The following ZNF280D variants were observed in gnomAD, a reference collection of about 807,000 sequenced individuals.
The protein encoded by ZNF280D is zinc finger protein 280D.
Under a neutral mutation model 94.7 loss-of-function variants are expected in ZNF280D, and 39 were observed. The observed-to-expected ratio is 0.41, with a 90% confidence interval of 0.32 to 0.54. ZNF280D has a LOEUF of 0.54. ZNF280D is among the 20% of genes least tolerant of loss of function. The pLI is 0.22. For missense variants in ZNF280D, 1,090 were observed against 1,149.3 expected (o/e 0.95, Z 0.75); for synonymous variants, 398 against 377.6 (o/e 1.05, Z -0.63).
At chr15:56,673,954 TCTCC>T (rs2140942079) in intron 13 of ZNF280D, among the ~76,000 whole-genome samples, 1 of 152,056 alleles carries the variant, frequency 6.6e-6, no homozygotes, top group Non-Finnish European at 1.5e-5. Context: ...TTCCACATTT[TCTCC>T]CACAGTACTT....
At position 56,630,780 on chromosome 15, in the gene ZNF280D, C is replaced by A. The variant is rs1307866224; in HGVS notation, c.*718G>T. On this transcript the variant is annotated 3_prime_UTR_variant, in exon 22 of 22. Transcript: ENST00000267807. Reference sequence around the variant, plus strand: ...ACAGCTTACACACTGACAAAAAGCACAAATATAAATTTATATCTTAATAAT... The same window carrying A: ...ACAGCTTACACACTGACAAAAAGCAAAAATATAAATTTATATCTTAATAAT... 1 of 152,130 alleles carries A rather than the reference C, an allele frequency of 6.6e-6. No individual in the cohort carries two copies. The highest frequency in any genetic ancestry group is 6.6e-5 in the Admixed American group (1 of 15,260). The allele number at this position is 152,130 out of a possible 1,614,324, so 9.4% of individuals were successfully genotyped here.
intron 1 of ZNF280D, among the ~76,000 whole-genome samples, chr15:56,715,598 C>T (rs191173277): frequency 6.6e-6 from 1 of 152,102 alleles, no homozygotes; most frequent in East Asian, 1.9e-4. Flanking sequence ...TGAGGCTTTA[C>T]CCAGTCTGTC....
At chr15:56,729,845 T>G (rs189036165) in intron 1 of ZNF280D, 1 of 152,086 alleles carries the variant, frequency 6.6e-6, no homozygotes, top group South Asian at 2.1e-4. Context: ...AAGAAAAAAA[T>G]GTGTGTTACA....
intron 1 of ZNF280D, among the ~76,000 whole-genome samples, chr15:56,708,852 T>C (rs1282234994): frequency 4.6e-5 from 7 of 152,032 alleles, no homozygotes; most frequent in Non-Finnish European, 1.0e-4. Flanking sequence ...TATACAAAAA[T>C]TAATTCAAGA....
chr15:56,722,118 G>A (rs1190402713), intron 1 of ZNF280D, among the ~76,000 whole-genome samples: 4 of 152,146 alleles, frequency 2.6e-5, no homozygotes, highest in Admixed American at 1.3e-4. Flanking sequence ...GCTGGCTGGT[G>A]GAGCAGTCAA....
intron 1 of ZNF280D, among the ~76,000 whole-genome samples, chr15:56,714,907 A>G (rs1252548358): frequency 2.0e-5 from 3 of 152,130 alleles, no homozygotes; most frequent in Admixed American, 2.0e-4. Context: ...CACTTTTTTC[A>G]TAGGATATGA....
At chr15:56,670,055 T>C (rs1220979148) in intron 13 of ZNF280D, among the ~76,000 whole-genome samples, 1 of 7,212 alleles carries the variant, frequency 1.4e-4, no homozygotes, top group African/African-American at 2.3e-4. Context: ...TTTGTAGTTA[T>C]ATGTTGTTTT....
intron 3 of ZNF280D, among the ~76,000 whole-genome samples, chr15:56,705,610 A>C (rs575615842): frequency 6.6e-6 from 1 of 152,200 alleles, no homozygotes; most frequent in Non-Finnish European, 1.5e-5. Context: ...TCAAGTGGAT[A>C]CTCAACAAAA....
chr15:56,654,151 G>C, intron 19 of ZNF280D, 47 bp downstream of exon 19: 1 of 1,586,372 alleles, frequency 6.3e-7, no homozygotes. Context: ...ATGCAATAGT[G>C]CTAAAATCCA....
At chr15:56,732,419 T>C (rs1312808031) in intron 1 of ZNF280D, among the ~76,000 whole-genome samples, 1 of 152,204 alleles carries the variant, frequency 6.6e-6, no homozygotes, top group African/African-American at 2.4e-5. Flanking sequence ...CCTGGTTAAG[T>C]TTCTGCGTGG....
At chr15:56,656,150 C>G (rs371681244) in intron 17 of ZNF280D, among the ~76,000 whole-genome samples, 22 of 152,292 alleles carry the variant, frequency 1.4e-4, no homozygotes, top group African/African-American at 4.6e-4. Flanking sequence ...ATAAACTGTA[C>G]TGTACATTCC....
At position 56,700,979 on chromosome 15, in the gene ZNF280D, G is replaced by C. The variant is rs772912618; in HGVS notation, c.335C>G (p.Ser112Cys). Reference sequence around the variant, plus strand: ...AATAACAGAACTATCTGAAGATCTAGACTCAGGATGAAAATTTATTGGTGA... The same window carrying C: ...AATAACAGAACTATCTGAAGATCTACACTCAGGATGAAAATTTATTGGTGA... Reference protein sequence around the residue: ...PASPINFHPESRSSDSSVIVQ... With the variant: ...PASPINFHPECRSSDSSVIVQ... Residue 112 changes from serine to cysteine, a missense_variant, in exon 6 of 22, where the codon TCT becomes TGT. Coordinates refer to ENST00000267807, the MANE Select transcript of ZNF280D (RefSeq NM_017661.4). 6.2e-7 allele frequency: 1 copy of C among 1,613,922 alleles called. No homozygotes were observed.
chr15:56,700,651 T>G, intron 6 of ZNF280D: 1 of 1,371,356 alleles, frequency 7.3e-7, no homozygotes, highest in South Asian at 1.8e-5. Flanking sequence ...GCAATATTTA[T>G]GGCTGACTAT....
At position 56,702,019 on chromosome 15, in the gene ZNF280D, C is replaced by T. The variant is rs1298050318; in HGVS notation, c.176-781G>A. Among the ~76,000 whole-genome samples the T allele has an allele frequency of 3.5e-5, 3 of 85,546 alleles. No homozygotes were observed. The East Asian group carries it at 9.4e-4, about 27-fold the overall frequency. The allele number at this position is 85,546 out of a possible 152,430, so 56.1% of individuals were successfully genotyped here. A position where few individuals can be genotyped will look rare whatever the true frequency, so the allele number is the denominator to read the frequency against. ...TTGCTGGTTAGAAAAAGGTAAAAAG[C>T]ACCCAAAAAAAAAAAAAAAAACCAC... is the stretch of plus-strand genomic sequence containing the variant. On this transcript the variant is annotated intron_variant, in intron 4 of 21. Transcript: ENST00000267807.
At chr15:56,657,143 T>C (rs2053601814) in intron 17 of ZNF280D, among the ~76,000 whole-genome samples, 1 of 147,168 alleles carries the variant, frequency 6.8e-6, no homozygotes, top group South Asian at 2.1e-4. Context: ...AATGGCAACA[T>C]AAAATAAACA....
intron 6 of ZNF280D, chr15:56,699,258 C>T (rs2056919931): frequency 2.1e-6 from 1 of 471,072 alleles, no homozygotes; most frequent in Non-Finnish European, 2.8e-6. Flanking sequence ...GTGGGCTCTC[C>T]TATAGTTATT....
chr15:56,658,561 C>T (rs1248902319), intron 16 of ZNF280D, 75 bp from the exon 17 acceptor site: 1 of 1,025,224 alleles, frequency 9.8e-7, no homozygotes, highest in African/African-American at 1.7e-5. Context: ...ATTTCAAGTC[C>T]ATACTTAAGT....
chr15:56,709,862 G>A (rs953628641), intron 1 of ZNF280D, among the ~76,000 whole-genome samples: 2 of 152,098 alleles, frequency 1.3e-5, no homozygotes, highest in Non-Finnish European at 2.9e-5. Context: ...CTGTCGTTGG[G>A]TGGGGGTAGA....
chr15:56,646,547 C>G (rs2052902283), intron 19 of ZNF280D, among the ~76,000 whole-genome samples: 1 of 152,172 alleles, frequency 6.6e-6, no homozygotes, highest in Admixed American at 6.5e-5. Context: ...AGTAAAACAT[C>G]TACTCTACCA....
Sources: gnomAD v4.1 joint callset for allele counts (sites outside exome capture counted in the v4.1 genomes callset) on GRCh38, gnomAD v4.1.1 for gene constraint, MANE v1.5 for transcripts, NCBI Gene and HGNC (gene_info 2026-07-23, HGNC 2026-07-21) for gene names.